N4BP2L1: variants seen among roughly 807,000 people sequenced by gnomAD.
The protein encoded by N4BP2L1 is NEDD4 binding protein 2 like 1, also known as NEDD4-binding protein 2-like 1.
A neutral mutation model predicts 21.2 loss-of-function variants in N4BP2L1; 12 were observed. The observed-to-expected ratio is 0.57, with a 90% CI of 0.36 to 0.92. N4BP2L1 has a LOEUF of 0.92. Ranked by LOEUF, N4BP2L1 falls within the 40% of genes least tolerant of loss-of-function variation. The probability of loss-of-function intolerance (pLI) is 0.01; values close to 1 mark genes in which losing one functional copy is unlikely to be tolerated. For synonymous variants in N4BP2L1, 104 were observed against 112.8 expected (o/e 0.92, Z 0.49); for missense variants, 259 against 310.6 (o/e 0.83, Z 1.25).
At position 32,427,981 on chromosome 13, in the gene N4BP2L1, A is replaced by T. The variant is rs759436332; in HGVS notation, c.102T>A (p.Pro34=). 2.0e-5 allele frequency: 31 copies of T among 1,552,396 alleles called. 1 individual carries two copies. Among genetic ancestry groups the T allele is most frequent in the Non-Finnish European group, 2.6e-6 (3 of 1,151,090 alleles). ...RPPRPPPRGT[P]PRRHSFRKHL... ...GTTTCCTAAAGCTGTGGCGGCGAGG[A>T]GGTGTCCCCCGCGGGGGCGGCCGGG... Residue 34 remains proline (P), a synonymous_variant, in exon 1 of 5, where the codon CCT becomes CCA. Coordinates refer to ENST00000380130, the MANE Select transcript of N4BP2L1 (RefSeq NM_052818.3).
At position 32,402,224 on chromosome 13, in the gene N4BP2L1, T is replaced by C; in HGVS notation, c.*718A>G. On this transcript the variant is annotated 3_prime_UTR_variant, in exon 5 of 5. Coordinates refer to ENST00000380130, the MANE Select transcript of N4BP2L1 (RefSeq NM_052818.3). ...ACAACAGCCAAAAGTTATTCAGGTTTAATCCTGCTGAATAAAGTAGTAAAA... is the reference window on the plus strand; with the variant it reads ...ACAACAGCCAAAAGTTATTCAGGTTCAATCCTGCTGAATAAAGTAGTAAAA... 1 of 942,970 alleles carries C rather than the reference T, an allele frequency of 1.1e-6. No individual in the cohort carries two copies. The highest frequency in any genetic ancestry group is 1.8e-5 in the African/African-American group (1 of 56,458). The allele number at this position is 942,970 out of a possible 1,614,324, so 58.4% of individuals were successfully genotyped here.
At chr13:32,407,920 G>T in intron 1 of N4BP2L1, 148 bp from the exon 2 acceptor site, 1 of 879,700 alleles carries the variant, frequency 1.1e-6, no homozygotes, top group Non-Finnish European at 1.7e-6. Context: ...TCAAAAGAGA[G>T]ATGTTTATTA....
chr13:32,409,961 A>G (rs1218306512), intron 1 of N4BP2L1, among the ~76,000 whole-genome samples: 1 of 152,270 alleles, frequency 6.6e-6, no homozygotes, highest in Non-Finnish European at 1.5e-5. Context: ...GAGAAGAGTG[A>G]TCAAATACAT....
At chr13:32,403,300 C>A in intron 4 of N4BP2L1, 100 bp from the exon 5 acceptor site, 1 of 1,226,408 alleles carries the variant, frequency 8.2e-7, no homozygotes, top group Non-Finnish European at 1.1e-6. Context: ...AGTCCCTGTT[C>A]TCAGGACCTA....
chr13:32,419,364 G>T (rs976245699), intron 1 of N4BP2L1: 2 of 411,662 alleles, frequency 4.9e-6, no homozygotes, highest in African/African-American at 4.6e-5. Context: ...TCCTGCCTCA[G>T]CCTCTTGACT....
intron 4 of N4BP2L1, chr13:32,403,814 A>C: frequency 2.0e-6 from 1 of 504,268 alleles, no homozygotes; most frequent in South Asian, 1.5e-5. Flanking sequence ...TTCTTACCTC[A>C]CTGGCTATTT....
rs2073114472 is a variant in N4BP2L1 at position 32,401,256 on chromosome 13, C to T, written c.*1686G>A. ...ATATTGAGCTGGTTATGCCACCACC[C>T]TATCAACCAAGATACCCAGGACTAC... On this transcript the variant is annotated 3_prime_UTR_variant, in exon 5 of 5. Transcript: ENST00000380130. The T allele has an allele frequency of 6.6e-6, 1 of 152,166 alleles. No individual in the cohort carries two copies. Among genetic ancestry groups the T allele is most frequent in the Non-Finnish European group, 1.5e-5 (1 of 68,032 alleles). 9.4% of individuals were successfully genotyped at this position (152,166 alleles called of 1,614,324 possible).
intron 1 of N4BP2L1, among the ~76,000 whole-genome samples, chr13:32,424,297 G>T (rs1214999380): frequency 6.6e-6 from 1 of 152,012 alleles, no homozygotes; most frequent in African/African-American, 2.4e-5. Context: ...CTTTTCCTTC[G>T]TTCAGCCACC....
At chr13:32,424,062 G>C (rs1207446193) in intron 1 of N4BP2L1, among the ~76,000 whole-genome samples, 2 of 152,220 alleles carry the variant, frequency 1.3e-5, no homozygotes, top group African/African-American at 2.4e-5. Flanking sequence ...CTGTGAAAGA[G>C]AGAGTTCTGG....
chr13:32,417,219 T>C (rs2137895360), intron 1 of N4BP2L1, among the ~76,000 whole-genome samples: 1 of 152,312 alleles, frequency 6.6e-6, no homozygotes, highest in South Asian at 2.1e-4. Flanking sequence ...GTCCTCAATA[T>C]GGTTTGGCTG....
chr13:32,417,883 C>T (rs1309305315), intron 1 of N4BP2L1, among the ~76,000 whole-genome samples: 2 of 152,150 alleles, frequency 1.3e-5, no homozygotes, highest in African/African-American at 4.8e-5. Flanking sequence ...ACATGTGGAA[C>T]TTTGAACTTG....
chr13:32,428,007 G>C lies in N4BP2L1; in HGVS notation c.76C>G (p.Pro26Ala). The change falls in exon 1 of 5, where the codon CCC becomes GCC. Residue 26 changes from proline to alanine, a missense_variant. Around this residue, in one of 3 missense-constraint regions of N4BP2L1, gnomAD observed 60 missense variants for 54.7 expected, o/e 1.10. Transcript: ENST00000380130. ...PQQQQQRQRP[P>A]RPPPRGTPPR... is the part of the protein sequence containing the mutation. ...GGTGTCCCCCGCGGGGGCGGCCGGG[G>C]CGGCCGCTGCCGCTGCTGCTGCTGC... is the stretch of plus-strand genomic sequence containing the variant. 8 of 1,560,604 alleles carry C rather than the reference G, an allele frequency of 5.1e-6. No homozygotes were observed. The highest frequency in any genetic ancestry group is 6.9e-6 in the Non-Finnish European group (8 of 1,156,098).
intron 1 of N4BP2L1, among the ~76,000 whole-genome samples, chr13:32,418,098 A>C (rs1202115980): frequency 6.6e-6 from 1 of 152,206 alleles, no homozygotes; most frequent in Non-Finnish European, 1.5e-5. Flanking sequence ...GACAATGGGG[A>C]AAATGTCTCC....
At chr13:32,413,221 T>A (rs1426266234) in intron 1 of N4BP2L1, among the ~76,000 whole-genome samples, 2 of 152,182 alleles carry the variant, frequency 1.3e-5, no homozygotes, top group African/African-American at 4.8e-5. Context: ...CCACCTCTCC[T>A]GGCCTAATGT....
chr13:32,423,407 T>A (rs1197168355), intron 1 of N4BP2L1, among the ~76,000 whole-genome samples: 1 of 151,846 alleles, frequency 6.6e-6, no homozygotes. Flanking sequence ...TACAGGGTGG[T>A]TCCCCTGACT....
chr13:32,402,171 G>C lies in N4BP2L1; in HGVS notation c.*771C>G. 2.0e-6 allele frequency: 2 copies of C among 984,606 alleles called. No homozygotes were observed. The highest frequency in any genetic ancestry group is 1.2e-6 in the Non-Finnish European group (1 of 829,260). The allele number at this position is 984,606 out of a possible 1,614,324, so 61.0% of individuals were successfully genotyped here. A position where few individuals can be genotyped will look rare whatever the true frequency, so the allele number is the denominator to read the frequency against. On this transcript the variant is annotated 3_prime_UTR_variant, in exon 5 of 5. Coordinates refer to ENST00000380130, the MANE Select transcript of N4BP2L1 (RefSeq NM_052818.3). ...TTTTAAAAGTTAGTGTTTTATGAAG[G>C]CAGGCTTATTTTATTTACACTATTA... is the stretch of plus-strand genomic sequence containing the variant.
intron 1 of N4BP2L1, chr13:32,419,411 AATTTTTT>A: frequency 1.5e-5 from 4 of 264,988 alleles, no homozygotes; most frequent in Admixed American, 5.6e-5. Context: ...ATGCTTGGCT[AATTTTTT>A]TTTTTTTTTT....
Position 32,413,516 on chromosome 13 carries a change from T to A in N4BP2L1, c.180-5744A>T, listed in dbSNP as rs966170627. Among the ~76,000 whole-genome samples the A allele has an allele frequency of 1.3e-5, 2 of 152,158 alleles. 1 individual carries two copies. The highest frequency in any genetic ancestry group is 4.1e-4 in the South Asian group (2 of 4,832). Reference sequence around the variant, plus strand: ...CACATAATGACAGTCTGTCCCACCATGCTAAATTCAATGCTAAGTTCGATC... The same window carrying A: ...CACATAATGACAGTCTGTCCCACCAAGCTAAATTCAATGCTAAGTTCGATC... On this transcript the variant is annotated intron_variant, in intron 1 of 4. Coordinates refer to ENST00000380130, the MANE Select transcript of N4BP2L1 (RefSeq NM_052818.3).
chr13:32,412,515 T>C (rs1380323405), intron 1 of N4BP2L1, among the ~76,000 whole-genome samples: 3 of 151,676 alleles, frequency 2.0e-5, no homozygotes, highest in Non-Finnish European at 4.4e-5. Flanking sequence ...TAATCCCAGC[T>C]ACTCAGGAGG....
Sources: allele counts gnomAD v4.1 joint callset (sites outside exome capture counted in the v4.1 genomes callset), GRCh38; gene constraint gnomAD v4.1.1; regional missense constraint gnomAD v4.1.1; transcripts MANE v1.5; gene names NCBI Gene and HGNC (gene_info 2026-07-23, HGNC 2026-07-21).